Variants in ST6GAL1 observed in about 807,000 individuals in gnomAD.
The protein encoded by ST6GAL1 is beta-galactoside alpha-2,6-sialyltransferase 1.
Under a neutral mutation model 38.0 loss-of-function variants are expected in ST6GAL1, and 20 were observed. That is an observed-to-expected ratio of 0.53 (90% confidence interval 0.37 to 0.77). The LOEUF (loss-of-function observed/expected upper bound fraction) is 0.77, where lower values mean the gene tolerates loss of function less well. ST6GAL1 is among the 30% of genes least tolerant of loss of function. The pLI is 0.00. For synonymous variants in ST6GAL1, 196 were observed against 188.2 expected, an observed-to-expected ratio of 1.04 and a Z score of -0.34; for missense variants, 432 against 496.4, an observed-to-expected ratio of 0.87 and a Z score of 1.23.
intron 5 of ST6GAL1, among the ~76,000 whole-genome samples, chr3:187,071,126 T>A (rs1233086934): frequency 6.6e-6 from 1 of 152,160 alleles, no homozygotes. Flanking sequence ...ATTGATTAGG[T>A]CTCAGCCTTG....
chr3:186,956,498 C>T (rs1163508108), intron 1 of ST6GAL1, among the ~76,000 whole-genome samples: 3 of 152,182 alleles, frequency 2.0e-5, no homozygotes, highest in Non-Finnish European at 4.4e-5. Flanking sequence ...AAATGCAGTT[C>T]TATACCAGAG....
At chr3:187,071,075 C>T (rs1719352922) in intron 5 of ST6GAL1, among the ~76,000 whole-genome samples, 1 of 152,140 alleles carries the variant, frequency 6.6e-6, no homozygotes. Flanking sequence ...TGCACACAGG[C>T]CGTCTCTCTT....
intron 1 of ST6GAL1, among the ~76,000 whole-genome samples, chr3:186,956,566 T>C (rs1277138902): frequency 2.6e-5 from 4 of 152,220 alleles, no homozygotes; most frequent in Non-Finnish European, 5.9e-5. Context: ...CCCAGCACTT[T>C]TTCTGCTTCT....
intron 2 of ST6GAL1, among the ~76,000 whole-genome samples, chr3:186,984,745 TCCC>T (rs1715818359): frequency 3.0e-5 from 1 of 33,786 alleles, no homozygotes; most frequent in Admixed American, 3.3e-4. Flanking sequence ...CTTCCTTCCC[TCCC>T]TCCCTCCCTC....
At chr3:187,012,093 C>T (rs372951213) in intron 2 of ST6GAL1, among the ~76,000 whole-genome samples, 2 of 152,092 alleles carry the variant, frequency 1.3e-5, no homozygotes, top group African/African-American at 2.4e-5. Context: ...GCCCAGGCTC[C>T]GGTCATCTAT....
chr3:187,005,376 T>C (rs899965532), intron 2 of ST6GAL1, among the ~76,000 whole-genome samples: 5 of 149,668 alleles, frequency 3.3e-5, no homozygotes, highest in Non-Finnish European at 5.9e-5. Flanking sequence ...CCCGGGTTCA[T>C]GCCATTCTCT....
At chr3:187,071,618 G>A (rs1388250066) in intron 5 of ST6GAL1, among the ~76,000 whole-genome samples, 2 of 151,690 alleles carry the variant, frequency 1.3e-5, no homozygotes, top group Non-Finnish European at 2.9e-5. Context: ...AAAATTAGCC[G>A]GGCGTGGTGG....
At chr3:187,013,670 C>T (rs56291008) in intron 2 of ST6GAL1, among the ~76,000 whole-genome samples, 5,639 of 152,260 alleles carry the variant, frequency 0.037, 151 homozygotes, top group Non-Finnish European at 0.058. Context: ...CTGCGACTTC[C>T]ACCTCCTGGG....
chr3:186,962,832 C>G (rs1714976679), intron 1 of ST6GAL1, among the ~76,000 whole-genome samples: 1 of 152,156 alleles, frequency 6.6e-6, no homozygotes, highest in Admixed American at 6.6e-5. Context: ...CTGTGGGGCA[C>G]TATACATGGC....
At chr3:187,020,874 C>T (rs1296841128) in intron 2 of ST6GAL1, among the ~76,000 whole-genome samples, 1 of 151,962 alleles carries the variant, frequency 6.6e-6, no homozygotes, top group Non-Finnish European at 1.5e-5. Context: ...GAAATCAGTA[C>T]ATGGAAGGTA....
At chr3:187,066,210 T>A (rs527451679) in intron 5 of ST6GAL1, among the ~76,000 whole-genome samples, 1 of 152,312 alleles carries the variant, frequency 6.6e-6, no homozygotes, top group African/African-American at 2.4e-5. Context: ...TTAATCATGA[T>A]GGCAATCATG....
intron 1 of ST6GAL1, among the ~76,000 whole-genome samples, chr3:186,948,127 G>C (rs936702694): frequency 6.6e-6 from 1 of 152,178 alleles, no homozygotes; most frequent in Admixed American, 6.5e-5. Context: ...GGGAATTTCT[G>C]GGCCAGAGTT....
intron 5 of ST6GAL1, among the ~76,000 whole-genome samples, chr3:187,067,656 A>G (rs958997166): frequency 6.6e-6 from 1 of 151,976 alleles, no homozygotes; most frequent in African/African-American, 2.4e-5. Flanking sequence ...CTGTTTTTCC[A>G]TTGGATACAG....
At chr3:187,049,458 A>T (rs1299146575) in intron 4 of ST6GAL1, among the ~76,000 whole-genome samples, 2 of 152,176 alleles carry the variant, frequency 1.3e-5, no homozygotes, top group East Asian at 3.9e-4. Flanking sequence ...GAAGGGGCAG[A>T]ACCAGGTTGG....
intron 5 of ST6GAL1, among the ~76,000 whole-genome samples, chr3:187,056,192 A>G (rs1282065489): frequency 6.6e-6 from 1 of 151,986 alleles, no homozygotes; most frequent in African/African-American, 2.4e-5. Flanking sequence ...TTTTGAGCCT[A>G]TGTGTGTCTC....
At chr3:186,963,496 C>G (rs992078834) in intron 1 of ST6GAL1, among the ~76,000 whole-genome samples, 3 of 152,166 alleles carry the variant, frequency 2.0e-5, no homozygotes, top group Admixed American at 2.0e-4. Context: ...GACTTGGGCC[C>G]GATCTGTAGC....
At chr3:187,062,219 T>A (rs930777501) in intron 5 of ST6GAL1, among the ~76,000 whole-genome samples, 3 of 152,206 alleles carry the variant, frequency 2.0e-5, no homozygotes, top group Non-Finnish European at 2.9e-5. Flanking sequence ...TCGGAATCCG[T>A]GGGCACTGTT....
rs530662123 is a variant in ST6GAL1 at position 186,943,601 on chromosome 3, T to C, written c.-325+12767T>C. On this transcript the variant is annotated intron_variant, in intron 1 of 7. Transcript: ENST00000169298. ...AGTAGCTGGGATTACAGGTACACAC[T>C]ACCATGCCTGGCTAATTTTTGTATT... is the stretch of plus-strand genomic sequence containing the variant. 7.8e-4 allele frequency among the ~76,000 whole-genome samples: 118 copies of C among 152,014 alleles called. 1 individual carries two copies. In the South Asian group the frequency reaches 0.024, roughly 31 times the overall value.
chr3:186,978,364 A>C (rs1241416563), intron 2 of ST6GAL1, among the ~76,000 whole-genome samples: 1 of 152,176 alleles, frequency 6.6e-6, no homozygotes, highest in Non-Finnish European at 1.5e-5. Context: ...GAGCCACTAG[A>C]CACATCATAT....
Sources: allele counts gnomAD v4.1 joint callset (sites outside exome capture counted in the v4.1 genomes callset), GRCh38; gene constraint gnomAD v4.1.1; transcripts MANE v1.5; gene names NCBI Gene and HGNC (gene_info 2026-07-23, HGNC 2026-07-21).